Variants in TMED5 observed in about 807,000 individuals in gnomAD.
TMED5 encodes transmembrane p24 trafficking protein 5.
A neutral mutation model predicts 23.0 loss-of-function variants in TMED5; 27 were observed. The observed-to-expected ratio is 1.17, with a 90% CI of 0.86 to 1.62. TMED5 has a LOEUF of 1.62. Ranked by LOEUF, TMED5 falls within the 40% of genes most tolerant of loss-of-function variation. The pLI, the probability that TMED5 is intolerant of heterozygous loss-of-function variation, is 0.00. For synonymous variants in TMED5, 97 were observed against 100.8 expected, an observed-to-expected ratio of 0.96 and a Z score of 0.23; for missense variants, 248 against 273.7, an observed-to-expected ratio of 0.91 and a Z score of 0.66.
chr1:93,160,170 T>A lies in TMED5; in HGVS notation c.246A>T (p.Lys82Asn). Reference sequence around the variant, plus strand: ...ATTTTCTTTGTTCAAAAACTAAGGTTTTGCCTTCTGGAGAGGCAAGATGGA... The same window carrying A: ...ATTTTCTTTGTTCAAAAACTAAGGTATTGCCTTCTGGAGAGGCAAGATGGA... ...IDFHLASPEG[K>N]TLVFEQRKSD... is the part of the protein sequence containing the mutation. Residue 82 changes from lysine (K) to asparagine (N), a missense_variant, in exon 2 of 4, where the codon AAA (lysine) becomes AAT (asparagine). Coordinates refer to ENST00000370282, the MANE Select transcript of TMED5 (RefSeq NM_016040.5). 1.2e-5 allele frequency: 20 copies of A among 1,613,552 alleles called. No homozygotes were observed. The highest frequency in any genetic ancestry group is 1.7e-5 in the Non-Finnish European group (20 of 1,179,696).
Position 93,180,368 on chromosome 1 carries a change from C to T in TMED5, c.-126G>A, listed in dbSNP as rs1557584339. On this transcript the variant is annotated 5_prime_UTR_variant, in exon 1 of 4. Transcript: ENST00000370282. ...GTCTGAAGAAACTCCAGGTGGCGGC[C>T]GCGGCGGCGGCGAACACTCCCTCCG... 1.5e-6 allele frequency: 2 copies of T among 1,315,898 alleles called. No homozygotes were observed. Among genetic ancestry groups the T allele is most frequent in the Non-Finnish European group, 2.1e-6 (2 of 970,324 alleles). 81.5% of individuals were successfully genotyped at this position (1,315,898 alleles called of 1,614,324 possible). A position where few individuals can be genotyped will look rare whatever the true frequency, so the allele number is the denominator to read the frequency against.
intron 1 of TMED5, among the ~76,000 whole-genome samples, chr1:93,167,507 T>C (rs962470045): frequency 3.3e-5 from 5 of 152,214 alleles, no homozygotes; most frequent in African/African-American, 7.2e-5. Flanking sequence ...TTAATTTTAC[T>C]TGTGGCTACT....
At chr1:93,166,251 A>G (rs1456907683) in intron 1 of TMED5, among the ~76,000 whole-genome samples, 1 of 152,176 alleles carries the variant, frequency 6.6e-6, no homozygotes, top group East Asian at 1.9e-4. Flanking sequence ...TCTTTGACAT[A>G]CTGATTTTCT....
chr1:93,171,515 A>C (rs1388746286), intron 1 of TMED5, among the ~76,000 whole-genome samples: 1 of 152,232 alleles, frequency 6.6e-6, no homozygotes, highest in Non-Finnish European at 1.5e-5. Context: ...CATACAAGAA[A>C]TAGATAACCT....
intron 1 of TMED5, among the ~76,000 whole-genome samples, chr1:93,175,069 C>G (rs752331867): frequency 1.4e-5 from 2 of 146,606 alleles, no homozygotes; most frequent in Non-Finnish European, 3.0e-5. Flanking sequence ...TACACACACA[C>G]AGACTCACAT....
chr1:93,168,089 C>G (rs1648570492), intron 1 of TMED5, among the ~76,000 whole-genome samples: 1 of 152,076 alleles, frequency 6.6e-6, no homozygotes, highest in Non-Finnish European at 1.5e-5. Context: ...GCTGAACCAT[C>G]CTTGCATCCC....
intron 1 of TMED5, among the ~76,000 whole-genome samples, chr1:93,177,050 A>G (rs1648937909): frequency 6.6e-6 from 1 of 152,212 alleles, no homozygotes; most frequent in South Asian, 2.1e-4. Context: ...AATTAGTAAA[A>G]TTTTCAATAA....
chr1:93,154,680 CT>C lies in TMED5; in HGVS notation c.679del (p.Ser227ValfsTer8), dbSNP rs1166171740. On this transcript the variant is annotated frameshift_variant, in exon 4 of 4. Transcript: ENST00000370282. LOFTEE classifies it high-confidence loss of function. ...LKSLFEDKRK[S>X]RT is the part of the protein sequence containing the mutation. The stretch of plus-strand genomic sequence containing the variant: ...CTCTAGTTTGGAGTTTTAAGTTCTA[CT>C]TTTCCTCTTATCTTCAAACAGACTC... 4.3e-6 allele frequency: 7 copies of C among 1,612,194 alleles called. No homozygotes were observed. The highest frequency in any genetic ancestry group is 1.6e-4 in the Middle Eastern group (1 of 6,080).
At chr1:93,154,915 A>C (rs1648009216) in intron 3 of TMED5, 27 bp from the exon 4 acceptor site, 1 of 1,442,294 alleles carries the variant, frequency 6.9e-7, no homozygotes, top group Admixed American at 2.0e-5. Flanking sequence ...TAATTTTATT[A>C]TTAAAGAATG....
intron 3 of TMED5, 135 bp from the exon 4 acceptor site, chr1:93,155,023 G>C (rs1557571193): frequency 1.1e-5 from 7 of 634,760 alleles, no homozygotes; most frequent in Non-Finnish European, 1.9e-5. Flanking sequence ...AGGACCCCTT[G>C]AACCCAGGAG....
rs1647816760 is a variant in TMED5, at chr1:93,149,985, C to A, written c.*4685G>T. The A allele has an allele frequency of 6.6e-6, 1 of 152,084 alleles. No homozygotes were observed. Among genetic ancestry groups the A allele is most frequent in the Non-Finnish European group, 1.5e-5 (1 of 68,028 alleles). The allele number at this position is 152,084 out of a possible 1,614,324, so 9.4% of individuals were successfully genotyped here. A position where few individuals can be genotyped will look rare whatever the true frequency, so the allele number is the denominator to read the frequency against. ...GGGCAACATGGCGAAATTAATTAGT[C>A]AGAAATATGTATATACCAACATACT... On this transcript the variant is annotated 3_prime_UTR_variant, in exon 4 of 4. Coordinates refer to ENST00000370282, the MANE Select transcript of TMED5 (RefSeq NM_016040.5).
At chr1:93,164,254 GA>G (rs1373360971) in intron 1 of TMED5, among the ~76,000 whole-genome samples, 1 of 151,664 alleles carries the variant, frequency 6.6e-6, no homozygotes, top group South Asian at 2.1e-4. Flanking sequence ...CAAGGGCAAA[GA>G]AAAAAAAGAC....
intron 1 of TMED5, among the ~76,000 whole-genome samples, chr1:93,178,776 C>T (rs1332889582): frequency 1.3e-5 from 2 of 152,118 alleles, no homozygotes; most frequent in Non-Finnish European, 2.9e-5. Flanking sequence ...TCCTAAAGTT[C>T]CATCGTATAA....
chr1:93,179,962 G>A (rs971195331), intron 1 of TMED5, 92 bp downstream of exon 1: 4 of 1,370,856 alleles, frequency 2.9e-6, no homozygotes, highest in East Asian at 2.6e-5. Context: ...TCACCACCAG[G>A]GCCGTCCACC....
rs1649320265 is a variant in TMED5, at chr1:93,180,405, C to T, written c.-163G>A. 1 of 1,228,528 alleles carries T rather than the reference C, an allele frequency of 8.1e-7. No individual in the cohort carries two copies. Among genetic ancestry groups the T allele is most frequent in the Non-Finnish European group, 1.1e-6 (1 of 889,392 alleles). The allele number at this position is 1,228,528 out of a possible 1,614,324, so 76.1% of individuals were successfully genotyped here. On this transcript the variant is annotated 5_prime_UTR_variant, in exon 1 of 4. Transcript: ENST00000370282. ...GAACACTCCCTCCGAAAGAGAAGCG[C>T]AGTTCTCCAAAGGGTAGGGACTCTG...
At chr1:93,156,147 G>A (rs1036483693) in intron 3 of TMED5, 153 bp downstream of exon 3, 142 of 1,117,878 alleles carry the variant, frequency 1.3e-4, no homozygotes, top group South Asian at 3.8e-4. Context: ...AAATTAAGCT[G>A]ATACTTGAGG....
intron 3 of TMED5, among the ~76,000 whole-genome samples, chr1:93,155,532 GTTTTTTTTTTT>G (rs547977053): frequency 7.7e-6 from 1 of 130,166 alleles, no homozygotes; most frequent in Non-Finnish European, 1.7e-5. Context: ...AATGACTAAG[GTTTTTTTTTTT>G]TTTTTTTTTG....
At chr1:93,167,689 T>C (rs1248362668) in intron 1 of TMED5, among the ~76,000 whole-genome samples, 1 of 152,206 alleles carries the variant, frequency 6.6e-6, no homozygotes, top group Non-Finnish European at 1.5e-5. Flanking sequence ...ATAAGATATA[T>C]CATTTGCAAA....
At chr1:93,173,187 CTG>C (rs1424981585) in intron 1 of TMED5, among the ~76,000 whole-genome samples, 1 of 152,162 alleles carries the variant, frequency 6.6e-6, no homozygotes, top group African/African-American at 2.4e-5. Flanking sequence ...TTCAAAATAA[CTG>C]AGACTGAATT....
Sources: gnomAD v4.1 joint callset for allele counts (sites outside exome capture counted in the v4.1 genomes callset) on GRCh38, gnomAD v4.1.1 for gene constraint, MANE v1.5 for transcripts, NCBI Gene and HGNC (gene_info 2026-07-23, HGNC 2026-07-21) for gene names.